Variants in LGR4 observed in about 807,000 individuals in gnomAD.
LGR4 encodes the protein leucine-rich repeat-containing G protein-coupled receptor 4.
LGR4 carries 44 observed loss-of-function variants against 84.8 expected under a neutral mutation model. The ratio of observed to expected loss-of-function variants is 0.52; its 90% CI spans 0.41 to 0.67. The LOEUF (loss-of-function observed/expected upper bound fraction) is 0.67, where lower values mean the gene tolerates loss of function less well. LGR4 is among the 30% of genes least tolerant of loss of function. LGR4 has a pLI of 0.00. For missense variants in LGR4, 1,032 were observed against 1,131.4 expected (o/e 0.91, Z 1.26); for synonymous variants, 429 against 434.3 (o/e 0.99, Z 0.15).
intron 6 of LGR4, among the ~76,000 whole-genome samples, chr11:27,383,227 T>G (rs560629609): frequency 6.6e-6 from 1 of 152,322 alleles, no homozygotes; most frequent in East Asian, 1.9e-4. Flanking sequence ...GCATACGATT[T>G]GCATGATTGA....
chr11:27,386,251 C>A (rs1260816634), intron 4 of LGR4, among the ~76,000 whole-genome samples: 1 of 152,158 alleles, frequency 6.6e-6, no homozygotes, highest in Non-Finnish European at 1.5e-5. Context: ...AAAATTAAGT[C>A]CCCATCTGAA....
intron 1 of LGR4, among the ~76,000 whole-genome samples, chr11:27,465,357 G>A (rs1305054817): frequency 2.0e-5 from 3 of 152,178 alleles, no homozygotes; most frequent in Admixed American, 2.0e-4. Context: ...GTGGTTGGGG[G>A]AAGACCAGGC....
chr11:27,395,549 CTATT>C (rs1863374542), intron 2 of LGR4, among the ~76,000 whole-genome samples: 1 of 152,172 alleles, frequency 6.6e-6, no homozygotes, highest in Non-Finnish European at 1.5e-5. Flanking sequence ...TCTTTCTCCT[CTATT>C]TATCTTTAAT....
At chr11:27,406,193 T>G (rs1002701488) in intron 2 of LGR4, among the ~76,000 whole-genome samples, 27 of 152,274 alleles carry the variant, frequency 1.8e-4, no homozygotes, top group African/African-American at 6.0e-4. Flanking sequence ...TCGTTCCTTC[T>G]TGCTAGAAGT....
chr11:27,463,067 CAAAAA>C (rs35718980), intron 1 of LGR4, among the ~76,000 whole-genome samples: 3 of 51,036 alleles, frequency 5.9e-5, no homozygotes, highest in African/African-American at 9.2e-5. Flanking sequence ...ACCCTGTCTC[CAAAAA>C]AAAAAAAAAA....
At chr11:27,442,968 A>G (rs1864328368) in intron 1 of LGR4, among the ~76,000 whole-genome samples, 1 of 152,262 alleles carries the variant, frequency 6.6e-6, no homozygotes. Flanking sequence ...CAGGGACTGT[A>G]CTAGACACAT....
At chr11:27,391,200 G>T in intron 3 of LGR4, 35 bp from the exon 4 acceptor site, 5 of 1,038,212 alleles carry the variant, frequency 4.8e-6, no homozygotes, top group Non-Finnish European at 7.1e-6. Flanking sequence ...AGTAACAAGT[G>T]ATAGTTACCA....
chr11:27,409,101 T>C (rs1863663856), intron 2 of LGR4, among the ~76,000 whole-genome samples: 1 of 152,066 alleles, frequency 6.6e-6, no homozygotes, highest in African/African-American at 2.4e-5. Context: ...AAAAAGTAGG[T>C]TAAATGTGAA....
intron 2 of LGR4, among the ~76,000 whole-genome samples, chr11:27,406,023 C>T (rs1248610008): frequency 6.6e-6 from 1 of 152,100 alleles, no homozygotes; most frequent in Non-Finnish European, 1.5e-5. Flanking sequence ...GTATCTTTTC[C>T]ATAACTTCCT....
rs756768048 is a variant in LGR4, at chr11:27,385,232, T to C, written c.617+21A>G. Reference sequence around the variant, plus strand: ...CCCCAATTAACACAAATATATGGAATTAAAAGGGATAGATACTTACAGAAC... The same window carrying C: ...CCCCAATTAACACAAATATATGGAACTAAAAGGGATAGATACTTACAGAAC... On this transcript the variant is annotated intron_variant, in intron 5 of 17. Transcript: ENST00000379214. 3 of 1,466,298 alleles carry C rather than the reference T, an allele frequency of 2.0e-6. No homozygotes were observed. In the Admixed American group the frequency reaches 6.8e-5, roughly 33 times the overall value. The allele number at this position is 1,466,298 out of a possible 1,614,324, so 90.8% of individuals were successfully genotyped here.
At chr11:27,394,563 C>T (rs1356012956) in intron 2 of LGR4, among the ~76,000 whole-genome samples, 1 of 152,066 alleles carries the variant, frequency 6.6e-6, no homozygotes, top group Admixed American at 6.5e-5. Flanking sequence ...CCACCACGCC[C>T]AGCTAATTTT....
rs773608560 is a variant in LGR4 at position 27,412,747 on chromosome 11, G to A, written c.257+42C>T. On this transcript the variant is annotated intron_variant, in intron 2 of 17. Coordinates refer to ENST00000379214, the MANE Select transcript of LGR4 (RefSeq NM_018490.5). ...TAGCAAAAGCTTCCAAAATGAATTG[G>A]GGAAAAAGACATACACACACATTTC... The A allele has an allele frequency of 2.8e-5, 33 of 1,168,368 alleles. No individual in the cohort carries two copies. The South Asian group carries it at 3.9e-4, about 14-fold the overall frequency. The allele number at this position is 1,168,368 out of a possible 1,614,324, so 72.4% of individuals were successfully genotyped here. A position where few individuals can be genotyped will look rare whatever the true frequency, so the allele number is the denominator to read the frequency against.
intron 1 of LGR4, among the ~76,000 whole-genome samples, chr11:27,430,880 A>G (rs1156764598): frequency 2.0e-5 from 3 of 151,782 alleles, no homozygotes; most frequent in Non-Finnish European, 2.9e-5. Flanking sequence ...ATCTCAAATC[A>G]TCCCCACCCC....
At chr11:27,416,847 G>T (rs1161638442) in intron 1 of LGR4, among the ~76,000 whole-genome samples, 1 of 152,124 alleles carries the variant, frequency 6.6e-6, no homozygotes, top group Admixed American at 6.5e-5. Flanking sequence ...CTCTCCAGTG[G>T]TTAAACTCTC....
chr11:27,399,892 T>C (rs556008856), intron 2 of LGR4, among the ~76,000 whole-genome samples: 1 of 152,324 alleles, frequency 6.6e-6, no homozygotes, highest in African/African-American at 2.4e-5. Flanking sequence ...TGTCAAGGGC[T>C]GACTATGTGT....
In LGR4 at chr11:27,387,139, A is replaced by G. The variant is rs147874726; in HGVS notation, c.402-1671T>C. Among the ~76,000 whole-genome samples the G allele has an allele frequency of 1.3e-4, 20 of 152,340 alleles. No homozygotes were observed. The East Asian group carries it at 3.9e-3, about 29-fold the overall frequency. Reference sequence around the variant, plus strand: ...AATTAAGCATATTATATAAATAAATATTAATGTAGCTAAATTATACTTGTA... The same window carrying G: ...AATTAAGCATATTATATAAATAAATGTTAATGTAGCTAAATTATACTTGTA... On this transcript the variant is annotated intron_variant, in intron 4 of 17. Coordinates refer to ENST00000379214, the MANE Select transcript of LGR4 (RefSeq NM_018490.5).
chr11:27,431,584 G>A (rs113113794), intron 1 of LGR4, among the ~76,000 whole-genome samples: 332 of 152,118 alleles, frequency 2.2e-3, no homozygotes, highest in African/African-American at 7.6e-3. Flanking sequence ...GTTTTTCATC[G>A]TCCCCCAAAG....
chr11:27,406,682 T>A (rs1205755109), intron 2 of LGR4, among the ~76,000 whole-genome samples: 2 of 152,138 alleles, frequency 1.3e-5, no homozygotes, highest in African/African-American at 4.8e-5. Context: ...ATGACTTCTG[T>A]ATGTGCTTCC....
At chr11:27,428,720 A>G (rs895460917) in intron 1 of LGR4, among the ~76,000 whole-genome samples, 11 of 152,160 alleles carry the variant, frequency 7.2e-5, no homozygotes, top group Non-Finnish European at 1.3e-4. Context: ...AGAGGTTGGA[A>G]AAAAAGGTGA....
Sources: allele counts gnomAD v4.1 joint callset (sites outside exome capture counted in the v4.1 genomes callset), GRCh38; gene constraint gnomAD v4.1.1; transcripts MANE v1.5; gene names NCBI Gene and HGNC (gene_info 2026-07-23, HGNC 2026-07-21).